The following SRGAP3 variants were observed in gnomAD, a reference collection of about 807,000 sequenced individuals.
The protein encoded by SRGAP3 is SLIT-ROBO Rho GTPase-activating protein 3.
In SRGAP3, 39 loss-of-function variants were observed where a neutral mutation model predicts 121.1. The ratio of observed to expected loss-of-function variants is 0.32; its 90% CI spans 0.25 to 0.42. The LOEUF (loss-of-function observed/expected upper bound fraction) is 0.42. SRGAP3 is among the 10% of genes least tolerant of loss of function. SRGAP3 has a pLI of 1.00. For synonymous variants in SRGAP3, 601 were observed against 570.0 expected (o/e 1.05, Z -0.77); for missense variants, 1,213 against 1,470.6 (o/e 0.82, Z 2.86).
intron 1 of SRGAP3, among the ~76,000 whole-genome samples, chr3:9,169,473 G>A (rs1228513199): frequency 1.3e-5 from 2 of 152,196 alleles, no homozygotes; most frequent in Non-Finnish European, 2.9e-5. Flanking sequence ...TCAAGGCTTT[G>A]AGAACAGTAT....
At chr3:9,063,971 A>G (rs914967961) in intron 5 of SRGAP3, among the ~76,000 whole-genome samples, 4 of 152,064 alleles carry the variant, frequency 2.6e-5, no homozygotes, top group African/African-American at 9.7e-5. Context: ...TCTTGTTGAG[A>G]CACATTCAGC....
At chr3:9,220,335 T>A (rs1304292359) in intron 1 of SRGAP3, among the ~76,000 whole-genome samples, 1 of 70,348 alleles carries the variant, frequency 1.4e-5, no homozygotes, top group Non-Finnish European at 3.0e-5. Context: ...ATTAAAGCAA[T>A]TTTTTAAAAA....
At chr3:9,134,255 G>C (rs1949562942) in intron 1 of SRGAP3, among the ~76,000 whole-genome samples, 1 of 152,094 alleles carries the variant, frequency 6.6e-6, no homozygotes, top group South Asian at 2.1e-4. Flanking sequence ...TTTGGACCCT[G>C]TCCTGAAAAC....
chr3:9,068,568 T>C (rs1177030707), intron 4 of SRGAP3, among the ~76,000 whole-genome samples: 3 of 152,202 alleles, frequency 2.0e-5, no homozygotes, highest in Non-Finnish European at 4.4e-5. Flanking sequence ...GGGTGACTTA[T>C]GACAGACAGC....
intron 1 of SRGAP3, among the ~76,000 whole-genome samples, chr3:9,165,921 T>A (rs1950771272): frequency 1.3e-5 from 2 of 152,218 alleles, no homozygotes; most frequent in Admixed American, 6.5e-5. Context: ...TAATCATACA[T>A]CTTATATATG....
At position 8,985,237 on chromosome 3, in the gene SRGAP3, A is replaced by T. The variant is rs985019564; in HGVS notation, c.*282T>A. 23 of 520,950 alleles carry T rather than the reference A, an allele frequency of 4.4e-5. No individual in the cohort carries two copies. Among genetic ancestry groups the T allele is most frequent in the Non-Finnish European group, 6.4e-5 (19 of 295,858 alleles). 32.3% of individuals were successfully genotyped at this position (520,950 alleles called of 1,614,324 possible). A position where few individuals can be genotyped will look rare whatever the true frequency, so the allele number is the denominator to read the frequency against. On this transcript the variant is annotated 3_prime_UTR_variant, in exon 22 of 22. Coordinates refer to ENST00000383836, the MANE Select transcript of SRGAP3 (RefSeq NM_014850.4). The surrounding 1 kb of genome is among the most constrained non-coding windows in gnomAD (Gnocchi z 5.1). Reference sequence around the variant, plus strand: ...CCAGTGACGATATGCGGGAGAAGCCATGTGGTATTTTGCCTCCATGTTAGG... The same window carrying T: ...CCAGTGACGATATGCGGGAGAAGCCTTGTGGTATTTTGCCTCCATGTTAGG...
rs868026040 is a variant in SRGAP3, at chr3:9,005,904, C to A, written c.2227+4404G>T. On this transcript the variant is annotated intron_variant, in intron 18 of 21. Transcript: ENST00000383836. ...TACACAAAAAAATCACTCAGCTGAA[C>A]ACTTTAAAAGGGTAAATTGTGTGGT... 7.2e-5 allele frequency among the ~76,000 whole-genome samples: 11 copies of A among 152,248 alleles called. No individual in the cohort carries two copies. In the South Asian group the frequency reaches 1.9e-3, roughly 26 times the overall value.
intron 1 of SRGAP3, among the ~76,000 whole-genome samples, chr3:9,175,344 A>G (rs1951139887): frequency 6.6e-6 from 1 of 152,234 alleles, no homozygotes; most frequent in Non-Finnish European, 1.5e-5. Flanking sequence ...CGGGTGTCCT[A>G]CGAAAAGAGA....
At chr3:9,179,712 C>T (rs1279358955) in intron 1 of SRGAP3, among the ~76,000 whole-genome samples, 2 of 152,336 alleles carry the variant, frequency 1.3e-5, no homozygotes, top group East Asian at 1.9e-4. Flanking sequence ...GAGAATCAAC[C>T]GAGGGCATAA....
At chr3:9,018,546 T>C (rs1943754900) in intron 14 of SRGAP3, among the ~76,000 whole-genome samples, 1 of 152,208 alleles carries the variant, frequency 6.6e-6, no homozygotes, top group East Asian at 1.9e-4. Context: ...ATAATAGCCA[T>C]TCTAACTGGG....
At chr3:9,025,962 T>C (rs1166464941) in intron 13 of SRGAP3, among the ~76,000 whole-genome samples, 2 of 152,216 alleles carry the variant, frequency 1.3e-5, no homozygotes, top group Admixed American at 6.5e-5. Context: ...TTGGTTTGTA[T>C]ATAGTATATC....
chr3:9,084,374 G>T (rs545052569), intron 3 of SRGAP3, among the ~76,000 whole-genome samples: 1 of 152,306 alleles, frequency 6.6e-6, no homozygotes, highest in African/African-American at 2.4e-5. Context: ...GGAAGAGAAA[G>T]ACTTCTGTGG....
At chr3:9,292,972 G>C (rs1358279352) in intron 3 of SRGAP3, 1 of 149,234 alleles carries the variant, frequency 6.7e-6, no homozygotes, top group African/African-American at 2.5e-5. Context: ...TTTGTAAACT[G>C]TACAGTACCT....
intron 3 of SRGAP3, chr3:9,292,499 A>G (rs1197947680): frequency 3.3e-5 from 5 of 152,166 alleles, no homozygotes; most frequent in Admixed American, 2.0e-4. Context: ...CTTTTCACTC[A>G]AAGCAAACAT....
rs1004683930 is a variant in SRGAP3, at chr3:8,994,013, C to G, written c.2408+330G>C. 3.0e-5 allele frequency: 12 copies of G among 397,560 alleles called. No individual in the cohort carries two copies. In the Admixed American group the frequency reaches 4.4e-4, roughly 15 times the overall value. 24.6% of individuals were successfully genotyped at this position (397,560 alleles called of 1,614,324 possible). The stretch of plus-strand genomic sequence containing the variant: ...AGTGTAGAACCGTAGGCAGGGGAGG[C>G]CTAGGAGGTGGAGGCACATGGCAGG... On this transcript the variant is annotated intron_variant, in intron 19 of 21. Coordinates refer to ENST00000383836, the MANE Select transcript of SRGAP3 (RefSeq NM_014850.4).
rs866304301 is a variant in SRGAP3 at position 9,168,485 on chromosome 3, T to C, written c.68-43568A>G. On this transcript the variant is annotated intron_variant, in intron 1 of 21. Transcript: ENST00000383836. ...CCCAGCACATCACGCATGAGCAGGA[T>C]GTGCAGTTCCTGCAGCTGGTTTCAG... 3.2e-4 allele frequency among the ~76,000 whole-genome samples: 49 copies of C among 152,356 alleles called. No individual in the cohort carries two copies. In the Middle Eastern group the frequency reaches 0.024, roughly 74 times the overall value.
intron 3 of SRGAP3, among the ~76,000 whole-genome samples, chr3:9,258,937 C>A (rs912840398): frequency 6.6e-6 from 1 of 152,310 alleles, no homozygotes; most frequent in Non-Finnish European, 1.5e-5. Flanking sequence ...CCGTGGGCAG[C>A]CTGCGATGTC....
At chr3:9,054,699 T>G (rs1945735463) in intron 8 of SRGAP3, among the ~76,000 whole-genome samples, 1 of 152,238 alleles carries the variant, frequency 6.6e-6, no homozygotes, top group African/African-American at 2.4e-5. Flanking sequence ...TTTGACTCTC[T>G]TTGTCAACAG....
At chr3:9,102,605 G>A (rs1239808539) in intron 3 of SRGAP3, among the ~76,000 whole-genome samples, 9 of 152,230 alleles carry the variant, frequency 5.9e-5, no homozygotes, top group Admixed American at 2.0e-4. Context: ...CAAAGGGGCC[G>A]TGCTGTGCAA....
Sources: allele counts gnomAD v4.1 joint callset (sites outside exome capture counted in the v4.1 genomes callset), GRCh38; gene constraint gnomAD v4.1.1; non-coding constraint Gnocchi (gnomAD v3.1); transcripts MANE v1.5; gene names NCBI Gene and HGNC (gene_info 2026-07-23, HGNC 2026-07-21).